The following DMD variants were observed in gnomAD, a reference collection of about 807,000 sequenced individuals.
The protein encoded by DMD is mutant dystrophin.
DMD carries 63 observed loss-of-function variants against 330.1 expected under a neutral mutation model. The ratio of observed to expected loss-of-function variants is 0.19; its 90% confidence interval spans 0.16 to 0.24. The LOEUF is 0.24. DMD is among the 10% of genes least tolerant of loss of function. DMD has a pLI of 1.00. For missense variants in DMD, 3,344 were observed against 2,684.1 expected, an observed-to-expected ratio of 1.25 and a Z score of -5.43; for synonymous variants, 1,223 against 959.8, an observed-to-expected ratio of 1.27 and a Z score of -5.07.
At chrX:33,291,971 G>A (rs1285206379) in intron 1 of DMD, among the ~76,000 whole-genome samples, 1 of 111,473 alleles carries the variant, frequency 9.0e-6, no homozygotes, top group Non-Finnish European at 1.9e-5. Flanking sequence ...AATACACATT[G>A]TCCACATTAT....
chrX:31,288,221 C>T (rs894005124), intron 62 of DMD, among the ~76,000 whole-genome samples: 1 of 111,173 alleles, frequency 9.0e-6, no homozygotes, highest in African/African-American at 3.3e-5. Context: ...GTAGTGTGAA[C>T]CCGGAAATCA....
At chrX:33,196,092 T>C (rs192842148) in intron 1 of DMD, among the ~76,000 whole-genome samples, 28 of 111,192 alleles carry the variant, frequency 2.5e-4, no homozygotes, top group African/African-American at 8.2e-4. Flanking sequence ...CCTAGGGTAG[T>C]AAGGAATTCT....
chrX:32,662,812 G>A (rs776449540), intron 9 of DMD, among the ~76,000 whole-genome samples: 29 of 111,750 alleles, frequency 2.6e-4, no homozygotes, highest in African/African-American at 9.4e-4. Context: ...AGCATATACA[G>A]AACAGCATTT....
Position 32,412,039 on chromosome X carries a change from G to T in DMD, c.4072-126C>A, listed in dbSNP as rs772309406. On this transcript the variant is annotated intron_variant, in intron 29 of 78. Coordinates refer to ENST00000357033, the MANE Select transcript of DMD (RefSeq NM_004006.3). ...ATCACCTTTTTGTAAGACAGATTTC[G>T]CAGCTTCCTGGCACTCATTCAGCTC... The T allele has an allele frequency of 1.0e-5, 12 of 1,189,639 alleles. No individual in the cohort carries two copies. In the East Asian group the frequency reaches 2.7e-4, roughly 27 times the overall value.
At chrX:31,853,910 C>A (rs753747380) in intron 48 of DMD, among the ~76,000 whole-genome samples, 23 of 111,940 alleles carry the variant, frequency 2.1e-4, no homozygotes, top group African/African-American at 7.5e-4. Flanking sequence ...GGCTTCTAGG[C>A]CAGGGTTGAC....
rs1424313224 is a variant in DMD, at chrX:32,028,182, C to T, written c.6439-59668G>A. Among the ~76,000 whole-genome samples the T allele has an allele frequency of 2.7e-5, 3 of 111,195 alleles. No individual in the cohort carries two copies. The East Asian group carries it at 8.5e-4, about 32-fold the overall frequency. On this transcript the variant is annotated intron_variant, in intron 44 of 78. Transcript: ENST00000357033. ...GATTTGGTAGGACCTGATAAATGAA[C>T]GTGCCTTACTCGAGTATGGTGGTGC... is the stretch of plus-strand genomic sequence containing the variant.
At chrX:31,674,925 C>A (rs747411811) in intron 53 of DMD, among the ~76,000 whole-genome samples, 2 of 112,300 alleles carry the variant, frequency 1.8e-5, no homozygotes, top group Admixed American at 1.9e-4. Flanking sequence ...TAAATGGCAT[C>A]ATCTCTCATA....
chrX:31,263,469 T>A lies in DMD; in HGVS notation c.9225-2453A>T, dbSNP rs186243638. Among the ~76,000 whole-genome samples, 781 of 112,197 alleles carry A rather than the reference T, an allele frequency of 7.0e-3. 11 individuals carry two copies. Among genetic ancestry groups the A allele is most frequent in the African/African-American group, 0.024 (740 of 30,875 alleles). On this transcript the variant is annotated intron_variant, in intron 62 of 78. Transcript: ENST00000357033. The stretch of plus-strand genomic sequence containing the variant: ...TATGAAAAGGGTTTTAGAAATTATT[T>A]TTTTTTAATCCATCAGTCCTCGGCA...
At chrX:31,925,238 T>C (rs780085254) in intron 47 of DMD, among the ~76,000 whole-genome samples, 1 of 111,919 alleles carries the variant, frequency 8.9e-6, no homozygotes, top group East Asian at 2.8e-4. Flanking sequence ...TCACTTGAGC[T>C]TCACCAAAAG....
chrX:32,644,932 G>A lies in DMD; in HGVS notation c.1149+32C>T, dbSNP rs759413266. Reference sequence around the variant, plus strand: ...GACTTGCCATTATAACAAGTCATATGTTTTGTTTTGTAAATTAACGTTTTA... The same window carrying A: ...GACTTGCCATTATAACAAGTCATATATTTTGTTTTGTAAATTAACGTTTTA... On this transcript the variant is annotated intron_variant, in intron 10 of 78. Coordinates refer to ENST00000357033, the MANE Select transcript of DMD (RefSeq NM_004006.3). 7 of 1,191,218 alleles carry A rather than the reference G, an allele frequency of 5.9e-6. No individual in the cohort carries two copies. In the East Asian group the frequency reaches 1.8e-4, roughly 30 times the overall value.
intron 55 of DMD, among the ~76,000 whole-genome samples, chrX:31,550,251 A>G (rs889266114): frequency 3.6e-5 from 4 of 111,781 alleles, no homozygotes; most frequent in Non-Finnish European, 7.5e-5. Context: ...CAGTTCTTTT[A>G]TATATTACCC....
chrX:32,112,478 T>C (rs762004327), intron 44 of DMD, among the ~76,000 whole-genome samples: 3 of 111,087 alleles, frequency 2.7e-5, no homozygotes, highest in Admixed American at 9.6e-5. Flanking sequence ...GGTCATATGG[T>C]GGGTTTAGAG....
intron 48 of DMD, among the ~76,000 whole-genome samples, chrX:31,874,930 A>G (rs1314976311): frequency 9.0e-6 from 1 of 110,808 alleles, no homozygotes; most frequent in Non-Finnish European, 1.9e-5. Context: ...ACTGACTCCT[A>G]CACTGCTCCT....
intron 44 of DMD, among the ~76,000 whole-genome samples, chrX:32,040,716 C>T (rs763999943): frequency 7.1e-4 from 79 of 111,539 alleles, no homozygotes; most frequent in Admixed American, 3.5e-3. Context: ...CAGAGTGCAG[C>T]CAGCAAGTGG....
intron 41 of DMD, among the ~76,000 whole-genome samples, chrX:32,334,452 A>G (rs928736597): frequency 1.8e-5 from 2 of 112,053 alleles, no homozygotes; most frequent in African/African-American, 6.5e-5. Flanking sequence ...CAAAGACAAT[A>G]TATTTCCCCT....
chrX:32,548,347 C>T (rs749788663), intron 16 of DMD, among the ~76,000 whole-genome samples: 1 of 111,599 alleles, frequency 9.0e-6, no homozygotes, highest in African/African-American at 3.2e-5. Flanking sequence ...GTAATTTTCT[C>T]TTTAAATGTT....
chrX:32,942,734 A>G (rs1464051819), intron 2 of DMD, among the ~76,000 whole-genome samples: 1 of 111,575 alleles, frequency 9.0e-6, no homozygotes, highest in African/African-American at 3.3e-5. Context: ...TATGTTTTCA[A>G]TTTTTAGAAT....
intron 44 of DMD, among the ~76,000 whole-genome samples, chrX:32,187,237 G>C (rs1929913938): frequency 9.0e-6 from 1 of 110,607 alleles, no homozygotes; most frequent in Non-Finnish European, 1.9e-5. Flanking sequence ...AATCATTTCT[G>C]ATTGAGCATC....
At position 31,404,162 on chromosome X, in the gene DMD, G is replaced by A. The variant is rs184720284; in HGVS notation, c.9084+40319C>T. ...CTCAGGTGGTTATATTAAAAAAATC[G>A]AGGGTATGAAAATCTCAGGGTCGTA... On this transcript the variant is annotated intron_variant, in intron 60 of 78. Coordinates refer to ENST00000357033, the MANE Select transcript of DMD (RefSeq NM_004006.3). Among the ~76,000 whole-genome samples the A allele has an allele frequency of 2.5e-4, 28 of 110,894 alleles. No homozygotes were observed. The East Asian group carries it at 2.8e-3, about 11-fold the overall frequency.
Sources: allele counts gnomAD v4.1 joint callset (sites outside exome capture counted in the v4.1 genomes callset), GRCh38; gene constraint gnomAD v4.1.1; transcripts MANE v1.5; gene names NCBI Gene and HGNC (gene_info 2026-07-23, HGNC 2026-07-21).